Variants in EYS observed in about 807,000 individuals in gnomAD.
EYS encodes EGF-like photoreceptor maintenance factor.
EYS carries 250 observed loss-of-function variants against 282.1 expected under a neutral mutation model. The ratio of observed to expected loss-of-function variants is 0.89; its 90% CI spans 0.80 to 0.98. The LOEUF is 0.98. EYS is among the 50% of genes least tolerant of loss of function. The probability of loss-of-function intolerance (pLI) is 0.00; values close to 1 mark genes in which losing one functional copy is unlikely to be tolerated. For missense variants in EYS, 4,016 were observed against 3,709.0 expected, an observed-to-expected ratio of 1.08 and a Z score of -2.15; for synonymous variants, 1,355 against 1,282.9, an observed-to-expected ratio of 1.06 and a Z score of -1.20.
chr6:64,463,686 A>C (rs1367113264), intron 26 of EYS, among the ~76,000 whole-genome samples: 1 of 152,244 alleles, frequency 6.6e-6, no homozygotes, highest in Non-Finnish European at 1.5e-5. Flanking sequence ...TGTCACTATG[A>C]ATGTAAAGTC....
At chr6:65,598,235 C>T (rs1765480297) in intron 2 of EYS, among the ~76,000 whole-genome samples, 1 of 25,944 alleles carries the variant, frequency 3.9e-5, no homozygotes, top group Admixed American at 4.9e-4. Flanking sequence ...CTCCTCCCCA[C>T]CCACCCCCCC....
chr6:63,999,071 C>T lies in EYS; in HGVS notation c.6834+4G>A. ...TGTTTGGAACTGGATATTTGCATAC[C>T]TACCTGAGAGGCATGGGAAATCTCT... On this transcript the variant is annotated splice_donor_region_variant and intron_variant, in intron 34 of 42. Transcript: ENST00000503581. 6.5e-7 allele frequency: 1 copy of T among 1,530,576 alleles called. No individual in the cohort carries two copies. Among genetic ancestry groups the T allele is most frequent in the South Asian group, 1.2e-5 (1 of 83,656 alleles). The allele number at this position is 1,530,576 out of a possible 1,614,324, so 94.8% of individuals were successfully genotyped here.
chr6:64,706,033 A>C (rs1197402744), intron 22 of EYS, among the ~76,000 whole-genome samples: 1 of 151,848 alleles, frequency 6.6e-6, no homozygotes, highest in African/African-American at 2.4e-5. Context: ...AAAAAAAAGC[A>C]CAAATCTGGA....
chr6:64,890,117 T>C (rs1193293049), intron 18 of EYS, among the ~76,000 whole-genome samples: 1 of 149,216 alleles, frequency 6.7e-6, no homozygotes, highest in Non-Finnish European at 1.5e-5. Flanking sequence ...CAGTCTCCCA[T>C]AGCGCTCCCA....
chr6:64,011,272 A>G (rs1300604350), intron 33 of EYS, among the ~76,000 whole-genome samples: 1 of 152,160 alleles, frequency 6.6e-6, no homozygotes, highest in African/African-American at 2.4e-5. Flanking sequence ...GAAGTTACAG[A>G]GTCATCTTGA....
intron 5 of EYS, among the ~76,000 whole-genome samples, chr6:65,459,938 G>GGTGA (rs1256637500): frequency 3.9e-4 from 42 of 107,322 alleles, no homozygotes; most frequent in Admixed American, 1.1e-3. Context: ...TACTTTTTCT[G>GGTGA]GTGCGTGTGT....
chr6:65,053,552 A>G (rs187178465), intron 13 of EYS, among the ~76,000 whole-genome samples: 3 of 151,870 alleles, frequency 2.0e-5, no homozygotes, highest in African/African-American at 4.8e-5. Flanking sequence ...AACTTGGACT[A>G]TATCAACAGA....
chr6:65,045,369 T>C (rs1439383248), intron 13 of EYS, among the ~76,000 whole-genome samples: 5 of 151,886 alleles, frequency 3.3e-5, no homozygotes, highest in Non-Finnish European at 7.4e-5. Context: ...TATCCTGCTA[T>C]AGTCTGAATG....
chr6:64,111,782 A>G (rs917807714), intron 31 of EYS, among the ~76,000 whole-genome samples: 10 of 152,060 alleles, frequency 6.6e-5, no homozygotes, highest in Admixed American at 6.6e-4. Flanking sequence ...AGGCTTATCC[A>G]GATTTAAATT....
At chr6:64,231,324 TTTAA>T (rs991424397) in intron 30 of EYS, among the ~76,000 whole-genome samples, 1 of 152,126 alleles carries the variant, frequency 6.6e-6, no homozygotes, top group African/African-American at 2.4e-5. Flanking sequence ...TTAATACCAG[TTTAA>T]TTTTTTCTTT....
At chr6:64,498,941 T>C (rs980473545) in intron 26 of EYS, among the ~76,000 whole-genome samples, 4 of 152,198 alleles carry the variant, frequency 2.6e-5, no homozygotes, top group Non-Finnish European at 4.4e-5. Context: ...TGTGTATTTA[T>C]AGTAGAATGA....
intron 12 of EYS, among the ~76,000 whole-genome samples, chr6:65,141,949 G>T (rs533494582): frequency 1.8e-4 from 27 of 152,060 alleles, no homozygotes; most frequent in African/African-American, 6.3e-4. Context: ...TAAACAGAAA[G>T]AAATGATAAA....
intron 26 of EYS, among the ~76,000 whole-genome samples, chr6:64,520,454 C>T (rs1229238037): frequency 2.6e-5 from 4 of 151,442 alleles, no homozygotes; most frequent in East Asian, 3.9e-4. Context: ...GCATTTTTTC[C>T]CATTATAGAC....
At chr6:63,733,994 G>A (rs1768845843) in intron 41 of EYS, among the ~76,000 whole-genome samples, 1 of 152,134 alleles carries the variant, frequency 6.6e-6, no homozygotes, top group African/African-American at 2.4e-5. Flanking sequence ...AGCAGGTGGA[G>A]GCAATTGTCC....
intron 7 of EYS, among the ~76,000 whole-genome samples, chr6:65,392,746 T>C (rs376834789): frequency 6.6e-6 from 1 of 151,580 alleles, no homozygotes. Flanking sequence ...AGTTCAACCA[T>C]TGTGGAAGTC....
chr6:64,624,713 T>C (rs577100990), intron 23 of EYS, among the ~76,000 whole-genome samples: 30 of 152,256 alleles, frequency 2.0e-4, no homozygotes, highest in African/African-American at 6.3e-4. Context: ...ACTCAGTTGA[T>C]AGGTATTCAC....
intron 26 of EYS, among the ~76,000 whole-genome samples, chr6:64,528,879 C>A (rs1778008072): frequency 6.6e-6 from 1 of 151,868 alleles, no homozygotes; most frequent in African/African-American, 2.4e-5. Flanking sequence ...CAAATCTGTT[C>A]TATTGAAAAA....
rs565954943 is a variant in EYS at position 64,119,387 on chromosome 6, C to T, written c.6425-37385G>A. On this transcript the variant is annotated intron_variant, in intron 31 of 42. Coordinates refer to ENST00000503581, the MANE Select transcript of EYS (RefSeq NM_001142800.2). Reference sequence around the variant, plus strand: ...ATTTCATGCAACTTCCTAATGGCCGCTTTGATACAGCATAAGTATAATCAC... The same window carrying T: ...ATTTCATGCAACTTCCTAATGGCCGTTTTGATACAGCATAAGTATAATCAC... 2.6e-5 allele frequency among the ~76,000 whole-genome samples: 4 copies of T among 152,252 alleles called. No homozygotes were observed. The South Asian group carries it at 8.3e-4, about 32-fold the overall frequency.
intron 22 of EYS, among the ~76,000 whole-genome samples, chr6:64,655,627 A>G (rs1768716698): frequency 6.6e-6 from 1 of 152,014 alleles, no homozygotes; most frequent in Admixed American, 6.6e-5. Flanking sequence ...CATCAATACA[A>G]TACTACAAAT....
Sources: gnomAD v4.1 joint callset for allele counts (sites outside exome capture counted in the v4.1 genomes callset) on GRCh38, gnomAD v4.1.1 for gene constraint, MANE v1.5 for transcripts, NCBI Gene and HGNC (gene_info 2026-07-23, HGNC 2026-07-21) for gene names.